SPMIP4: variants seen among roughly 807,000 people sequenced by gnomAD.
The protein encoded by SPMIP4 is sperm-associated microtubule inner protein 4.
At chr7:25,152,461 A>G in the SPMIP4 span, among the ~76,000 whole-genome samples, 3,610 of 152,330 alleles carry the variant, frequency 0.024, 108 homozygotes, top group African/African-American at 0.079. Context: ...ACCATGTGCC[A>G]GTCACTGTAC....
At chr7:25,142,777 T>C in the SPMIP4 span, 1 of 1,576,810 alleles carries the variant, frequency 6.3e-7, no homozygotes, top group Admixed American at 2.0e-5. Flanking sequence ...AGGTTTTGGG[T>C]AGAATACTGG....
the SPMIP4 span, chr7:25,135,573 A>G: frequency 2.2e-6 from 2 of 909,890 alleles, no homozygotes; most frequent in Admixed American, 5.9e-5. Context: ...TTAAGATACT[A>G]TAATTTGTAT....
the SPMIP4 span, chr7:25,179,226 T>C: frequency 6.2e-7 from 1 of 1,613,698 alleles, no homozygotes; most frequent in Non-Finnish European, 8.5e-7. Context: ...GTTGTGCAAT[T>C]CATTAGAGTA....
the SPMIP4 span, chr7:25,180,171 A>G: frequency 6.6e-6 from 1 of 152,458 alleles, no homozygotes; most frequent in Non-Finnish European, 1.5e-5. Flanking sequence ...GGTGGCCGTG[A>G]CCGCGGCATT....
the SPMIP4 span, chr7:25,179,824 A>G: frequency 6.6e-6 from 1 of 152,400 alleles, no homozygotes; most frequent in African/African-American, 2.4e-5. Flanking sequence ...CCGGTTTCCA[A>G]CTGCGTCGGG....
At chr7:25,161,224 C>G in the SPMIP4 span, 1 of 1,563,644 alleles carries the variant, frequency 6.4e-7, no homozygotes. Flanking sequence ...TTTTTTTGTT[C>G]TGGGTCAAAT....
At chr7:25,168,360 T>C in the SPMIP4 span, 1 of 1,613,416 alleles carries the variant, frequency 6.2e-7, no homozygotes, top group South Asian at 1.1e-5. Context: ...GCTCATACTT[T>C]GGCCTGTGGT....
At chr7:25,178,751 G>C in the SPMIP4 span, among the ~76,000 whole-genome samples, 1 of 152,094 alleles carries the variant, frequency 6.6e-6, no homozygotes, top group Admixed American at 6.5e-5. Flanking sequence ...ATAAGCAGAA[G>C]AGCCCCGGCC....
the SPMIP4 span, among the ~76,000 whole-genome samples, chr7:25,133,365 G>T: frequency 1.3e-5 from 2 of 152,168 alleles, no homozygotes; most frequent in South Asian, 4.1e-4. Context: ...ACTTTGTGTT[G>T]AAATAGCAAG....
the SPMIP4 span, among the ~76,000 whole-genome samples, chr7:25,132,273 C>A: frequency 2.6e-5 from 4 of 152,068 alleles, no homozygotes; most frequent in Non-Finnish European, 4.4e-5. This position sits in a 1 kb window ranked among gnomAD's most constrained non-coding sequence, Gnocchi z 5.0. Context: ...AGTTGCAAGC[C>A]CCATGTTTAA....
chr7:25,155,850 T>C, the SPMIP4 span, among the ~76,000 whole-genome samples: 1 of 152,102 alleles, frequency 6.6e-6, no homozygotes, highest in Non-Finnish European at 1.5e-5. Flanking sequence ...ATGTGGGAGC[T>C]GTCTAAACTA....
chr7:25,167,419 A>C, the SPMIP4 span, among the ~76,000 whole-genome samples: 5 of 152,224 alleles, frequency 3.3e-5, no homozygotes, highest in African/African-American at 1.2e-4. Flanking sequence ...CGTGGGCTTA[A>C]ACACACCTGT....
At chr7:25,178,640 T>A in the SPMIP4 span, among the ~76,000 whole-genome samples, 5 of 152,212 alleles carry the variant, frequency 3.3e-5, no homozygotes, top group African/African-American at 1.2e-4. Flanking sequence ...TGGATGAATT[T>A]GATGTGTGGC....
the SPMIP4 span, chr7:25,161,299 A>C: frequency 1.8e-6 from 2 of 1,134,044 alleles, no homozygotes; most frequent in East Asian, 2.6e-5. Flanking sequence ...CATGTTTTAA[A>C]ATTAACACAA....
chr7:25,167,800 AT>A, the SPMIP4 span, among the ~76,000 whole-genome samples: 4 of 152,102 alleles, frequency 2.6e-5, no homozygotes, highest in Admixed American at 2.0e-4. Flanking sequence ...TGCTATTCAG[AT>A]TTTTTTCTGC....
chr7:25,142,403 G>C, the SPMIP4 span: 1 of 1,140,724 alleles, frequency 8.8e-7, no homozygotes, highest in South Asian at 1.5e-5. Context: ...CCCTTTATAG[G>C]AAAACTTACC....
chr7:25,141,801 G>A, the SPMIP4 span, among the ~76,000 whole-genome samples: 1 of 151,834 alleles, frequency 6.6e-6, no homozygotes, highest in East Asian at 1.9e-4. Context: ...GCAGTGGCAC[G>A]ATCTCAGCTC....
chr7:25,165,826 T>G, the SPMIP4 span, among the ~76,000 whole-genome samples: 2 of 152,328 alleles, frequency 1.3e-5, no homozygotes, highest in South Asian at 4.1e-4. Flanking sequence ...AAGCATGCTA[T>G]TGTTGCTGCT....
the SPMIP4 span, among the ~76,000 whole-genome samples, chr7:25,146,287 G>C: frequency 6.6e-6 from 1 of 152,182 alleles, no homozygotes; most frequent in Admixed American, 6.5e-5. Flanking sequence ...CGCTGCCTGA[G>C]ATGGAATGGT....
Sources: gnomAD v4.1 joint callset for allele counts (sites outside exome capture counted in the v4.1 genomes callset) on GRCh38, gnomAD v4.1.1 for gene constraint, Gnocchi (gnomAD v3.1) non-coding constraint, MANE v1.5 for transcripts, NCBI Gene and HGNC (gene_info 2026-07-23, HGNC 2026-07-21) for gene names.